PRLR: variants seen among roughly 807,000 people sequenced by gnomAD.
The protein encoded by PRLR is prolactin receptor, also known as hPRL receptor.
Under a neutral mutation model 40.2 loss-of-function variants are expected in PRLR, and 13 were observed. The observed-to-expected ratio is 0.32, with a 90% CI of 0.21 to 0.51. The LOEUF is 0.51. Among genes scored for constraint, PRLR ranks in the 20% least tolerant of loss-of-function variants. The pLI is 0.97. For synonymous variants in PRLR, 269 were observed against 278.7 expected (o/e 0.97, Z 0.35); for missense variants, 656 against 747.3 (o/e 0.88, Z 1.42).
chr5:35,082,042 G>A (rs970780725), intron 5 of PRLR: 1 of 153,834 alleles, frequency 6.5e-6, no homozygotes, highest in Non-Finnish European at 1.5e-5. Context: ...ACAAGAGCAA[G>A]AGTGAGACCC....
chr5:35,065,762 A>G lies in PRLR; in HGVS notation c.1196T>C (p.Met399Thr), dbSNP rs139062782. 175 of 1,613,984 alleles carry G rather than the reference A, an allele frequency of 1.1e-4. No individual in the cohort carries two copies. Among genetic ancestry groups the G allele is most frequent in the Non-Finnish European group, 1.4e-4 (165 of 1,180,022 alleles). The change falls in exon 10 of 10, where the codon ATG (methionine) becomes ACG (threonine). Residue 399 changes from methionine (M) to threonine (T), a missense_variant. By Grantham distance (81) the Met-to-Thr change is moderately conservative. This residue lies in a region of PRLR where 469 missense variants were observed against 491.5 expected (regional missense o/e 0.95). Transcript: ENST00000618457. ...THTWDPQCIS[M>T]EGKIPYFHAG... ...ATGAAAATAGGGGATTTTGCCTTCC[A>G]TGCTTATGCACTGGGGGTCCCAGGT...
chr5:35,179,745 G>A (rs909435558), intron 1 of PRLR, among the ~76,000 whole-genome samples: 1 of 152,144 alleles, frequency 6.6e-6, no homozygotes, highest in Admixed American at 6.5e-5. Flanking sequence ...GTGGGGCCTG[G>A]TGGGAGGTGA....
chr5:35,218,421 A>G (rs1191841161), intron 1 of PRLR, among the ~76,000 whole-genome samples: 1 of 149,944 alleles, frequency 6.7e-6, no homozygotes, highest in Admixed American at 6.6e-5. Flanking sequence ...TAGTTTAAAC[A>G]TATAATATAG....
At chr5:35,070,841 CAAA>C (rs34668616) in intron 6 of PRLR, among the ~76,000 whole-genome samples, 183 of 69,152 alleles carry the variant, frequency 2.6e-3, no homozygotes, top group African/African-American at 8.7e-3. Flanking sequence ...AACTCCGTCT[CAAA>C]AAAAAAAAAA....
At chr5:35,079,651 C>G (rs1315364407) in intron 5 of PRLR, among the ~76,000 whole-genome samples, 1 of 152,116 alleles carries the variant, frequency 6.6e-6, no homozygotes, top group African/African-American at 2.4e-5. Flanking sequence ...TTTACAGATT[C>G]AAGCTACCAA....
intron 1 of PRLR, among the ~76,000 whole-genome samples, chr5:35,185,761 C>T (rs1775408755): frequency 6.6e-6 from 1 of 152,194 alleles, no homozygotes; most frequent in Admixed American, 6.5e-5. Context: ...CAGGTTTCAC[C>T]AGCCTTGACT....
At chr5:35,155,106 A>G (rs928785157) in intron 1 of PRLR, among the ~76,000 whole-genome samples, 2 of 152,314 alleles carry the variant, frequency 1.3e-5, no homozygotes, top group East Asian at 3.9e-4. Flanking sequence ...TTACCTGTGT[A>G]ACTAACCTGC....
chr5:35,202,637 G>A (rs1178439302), intron 1 of PRLR, among the ~76,000 whole-genome samples: 1 of 152,044 alleles, frequency 6.6e-6, no homozygotes, highest in Non-Finnish European at 1.5e-5. Flanking sequence ...TATACAGACT[G>A]GCACATAGTG....
Position 35,061,172 on chromosome 5 carries a change from C to T in PRLR, c.*3917G>A, listed in dbSNP as rs1278572345. On this transcript the variant is annotated 3_prime_UTR_variant, in exon 10 of 10. Coordinates refer to ENST00000618457, the MANE Select transcript of PRLR (RefSeq NM_000949.7). ...GGCAAATGTTACTTTCTAATCAATA[C>T]ATTTTTCCTTGCAAAATGAAAACTT... 6.6e-6 allele frequency: 1 copy of T among 151,858 alleles called. No individual in the cohort carries two copies. Among genetic ancestry groups the T allele is most frequent in the Non-Finnish European group, 1.5e-5 (1 of 67,996 alleles). 9.4% of individuals were successfully genotyped at this position (151,858 alleles called of 1,614,324 possible).
rs1281536944 is a variant in PRLR at position 35,208,177 on chromosome 5, G to GCACACACACACACA, written c.-106+22077_-106+22090dup. ...TGCTCCTTCACACACCCACGCGCGC[G>GCACACACACACACA]CACACACACACACACACACACACAC... On this transcript the variant is annotated intron_variant, in intron 1 of 9. Transcript: ENST00000618457. 2.7e-3 allele frequency among the ~76,000 whole-genome samples: 235 copies of GCACACACACACACA among 87,232 alleles called. 2 individuals are homozygous for GCACACACACACACA. Among genetic ancestry groups the GCACACACACACACA allele is most frequent in the African/African-American group, 7.8e-3 (231 of 29,666 alleles). The allele number at this position is 87,232 out of a possible 152,430, so 57.2% of individuals were successfully genotyped here. A position where few individuals can be genotyped will look rare whatever the true frequency, so the allele number is the denominator to read the frequency against.
intron 2 of PRLR, among the ~76,000 whole-genome samples, chr5:35,095,733 A>G (rs1177226643): frequency 6.6e-6 from 1 of 152,140 alleles, no homozygotes; most frequent in Admixed American, 6.5e-5. Flanking sequence ...TCCAGTTTAC[A>G]TTTTGCTGTT....
At chr5:35,084,217 C>A (rs1339946940) in intron 5 of PRLR, among the ~76,000 whole-genome samples, 1 of 152,192 alleles carries the variant, frequency 6.6e-6, no homozygotes, top group East Asian at 1.9e-4. Context: ...ATACATAGAA[C>A]ATTTGTGCTG....
At chr5:35,087,464 G>GT (rs758642239) in intron 3 of PRLR, among the ~76,000 whole-genome samples, 1 of 148,562 alleles carries the variant, frequency 6.7e-6, no homozygotes, top group Non-Finnish European at 1.5e-5. Flanking sequence ...GTGTGGTGAG[G>GT]TTGCAAAGGG....
rs558953385 is a variant in PRLR, at chr5:35,184,054, C to T, written c.-106+46214G>A. On this transcript the variant is annotated intron_variant, in intron 1 of 9. Coordinates refer to ENST00000618457, the MANE Select transcript of PRLR (RefSeq NM_000949.7). The stretch of plus-strand genomic sequence containing the variant: ...AATTCCAAGGCATCAGAAAGTTTGC[C>T]CTTACCTATAAGACCTTGCTCTTTT... Among the ~76,000 whole-genome samples the T allele has an allele frequency of 1.1e-4, 16 of 152,252 alleles. 1 individual carries two copies. The South Asian group carries it at 2.7e-3, about 26-fold the overall frequency.
At position 35,056,694 on chromosome 5, in the gene PRLR, T is replaced by G. The variant is rs997194526; in HGVS notation, c.*8395A>C. 6.6e-6 allele frequency: 1 copy of G among 152,192 alleles called. No individual in the cohort carries two copies. The highest frequency in any genetic ancestry group is 6.5e-5 in the Admixed American group (1 of 15,272). 9.4% of individuals were successfully genotyped at this position (152,192 alleles called of 1,614,324 possible). On this transcript the variant is annotated 3_prime_UTR_variant, in exon 10 of 10. Coordinates refer to ENST00000618457, the MANE Select transcript of PRLR (RefSeq NM_000949.7). ...AGCTCATCATTAATTGTATAGAACC[T>G]GTGTCTGGTGACTGAGACTTCAAAT...
At chr5:35,104,728 C>G (rs1466303826) in intron 2 of PRLR, among the ~76,000 whole-genome samples, 1 of 152,134 alleles carries the variant, frequency 6.6e-6, no homozygotes, top group Non-Finnish European at 1.5e-5. Flanking sequence ...CCAGGAAGCT[C>G]GAACTGGGTG....
At chr5:35,084,723 C>T in intron 4 of PRLR, 84 bp from the exon 5 acceptor site, 1 of 1,312,150 alleles carries the variant, frequency 7.6e-7, no homozygotes. Context: ...TACCACTGGC[C>T]TTTGGGTATC....
intron 5 of PRLR, among the ~76,000 whole-genome samples, chr5:35,080,058 A>T (rs1280239285): frequency 2.0e-5 from 3 of 152,228 alleles, no homozygotes; most frequent in Non-Finnish European, 4.4e-5. Context: ...TTAAGACTTA[A>T]ATGTTAGACC....
At chr5:35,118,482 T>C (rs762545033) in intron 1 of PRLR, among the ~76,000 whole-genome samples, 1 of 152,194 alleles carries the variant, frequency 6.6e-6, no homozygotes, top group African/African-American at 2.4e-5. Flanking sequence ...CCTAAATATT[T>C]CAGTGTGTTT....
Sources: gnomAD v4.1 joint callset for allele counts (sites outside exome capture counted in the v4.1 genomes callset) on GRCh38, gnomAD v4.1.1 for gene constraint, gnomAD v4.1.1 regional missense constraint, MANE v1.5 for transcripts, NCBI Gene and HGNC (gene_info 2026-07-23, HGNC 2026-07-21) for gene names.